PRKN: variants seen among roughly 807,000 people sequenced by gnomAD.
PRKN encodes the protein parkin RBR E3 ubiquitin protein ligase.
A neutral mutation model predicts 59.5 loss-of-function variants in PRKN; 56 were observed. The ratio of observed to expected loss-of-function variants is 0.94; its 90% CI spans 0.76 to 1.18. The LOEUF is 1.18. Among genes scored for constraint, PRKN ranks in the 50% most tolerant of loss-of-function variants. The pLI is 0.00. For synonymous variants in PRKN, 250 were observed against 222.1 expected (o/e 1.13, Z -1.12); for missense variants, 657 against 596.4 (o/e 1.10, Z -1.06).
chr6:161,413,010 T>C lies in PRKN; in HGVS notation c.1084-26133A>G, dbSNP rs2115008915. On this transcript the variant is annotated intron_variant, in intron 9 of 11. Coordinates refer to ENST00000366898, the MANE Select transcript of PRKN (RefSeq NM_004562.3). The surrounding 1 kb of genome is among the most constrained non-coding windows in gnomAD (Gnocchi z 4.4). ...ACAGTAATCAGAGACAGGCTCTGTC[T>C]GCTCTTGCCTGCCTTCCTGACTGCT... is the stretch of plus-strand genomic sequence containing the variant. Among the ~76,000 whole-genome samples the C allele has an allele frequency of 6.6e-6, 1 of 152,360 alleles. No individual in the cohort carries two copies. The highest frequency in any genetic ancestry group is 1.5e-5 in the Non-Finnish European group (1 of 68,032).
At chr6:162,421,938 G>A (rs1023178218) in intron 2 of PRKN, among the ~76,000 whole-genome samples, 1 of 152,072 alleles carries the variant, frequency 6.6e-6, no homozygotes, top group Non-Finnish European at 1.5e-5. Context: ...AGTTAAATAG[G>A]AAGTAATATC....
chr6:161,537,329 T>A (rs1324761460), intron 9 of PRKN, among the ~76,000 whole-genome samples: 2 of 152,266 alleles, frequency 1.3e-5, no homozygotes, highest in South Asian at 4.1e-4. Context: ...TTATTTCTGA[T>A]GCAAATGACT....
At chr6:161,977,769 A>G (rs367593506) in intron 5 of PRKN, among the ~76,000 whole-genome samples, 356 of 151,670 alleles carry the variant, frequency 2.3e-3, no homozygotes, top group African/African-American at 7.9e-3. Flanking sequence ...GGATGGTCTC[A>G]ATCTCCTGAC....
At chr6:162,599,811 A>G (rs1000256258) in intron 1 of PRKN, among the ~76,000 whole-genome samples, 6 of 152,196 alleles carry the variant, frequency 3.9e-5, no homozygotes, top group African/African-American at 1.2e-4. Context: ...AGTAACAACA[A>G]AACAGAAATG....
chr6:161,894,674 T>C (rs1428930255), intron 6 of PRKN, among the ~76,000 whole-genome samples: 1 of 152,254 alleles, frequency 6.6e-6, no homozygotes, highest in Non-Finnish European at 1.5e-5. Context: ...TAAGTGAAAT[T>C]AGCCTTTCTC....
At chr6:161,900,026 G>C (rs1777824876) in intron 6 of PRKN, among the ~76,000 whole-genome samples, 1 of 152,042 alleles carries the variant, frequency 6.6e-6, no homozygotes, top group Non-Finnish European at 1.5e-5. Context: ...AGGGAGATTT[G>C]CTTGGACCTG....
At chr6:161,507,512 C>A (rs73782917) in intron 9 of PRKN, among the ~76,000 whole-genome samples, 26,327 of 152,066 alleles carry the variant, frequency 0.17, 2,947 homozygotes, top group African/African-American at 0.32. Context: ...AATCTACAAT[C>A]TCTTTTGCTA....
chr6:162,568,488 G>A (rs1368797506), intron 1 of PRKN: 5 of 667,444 alleles, frequency 7.5e-6, no homozygotes, highest in Non-Finnish European at 1.1e-5. Flanking sequence ...CGGCATGGGA[G>A]GCATCACCGC....
intron 6 of PRKN, among the ~76,000 whole-genome samples, chr6:161,971,576 C>G (rs1780809763): frequency 6.6e-6 from 1 of 152,198 alleles, no homozygotes; most frequent in African/African-American, 2.4e-5. Context: ...AGTCATTCAC[C>G]TTGCCAAGAG....
intron 7 of PRKN, among the ~76,000 whole-genome samples, chr6:161,749,871 A>G (rs1267256200): frequency 6.6e-6 from 1 of 152,098 alleles, no homozygotes. Flanking sequence ...ACAAGAAGTG[A>G]CAGTCAGAGT....
At chr6:162,430,273 A>T (rs1789452976) in intron 2 of PRKN, among the ~76,000 whole-genome samples, 1 of 152,140 alleles carries the variant, frequency 6.6e-6, no homozygotes, top group African/African-American at 2.4e-5. Flanking sequence ...TTGGTGACTC[A>T]TTTAACCCTT....
At chr6:162,659,570 G>A in intron 1 of PRKN, among the ~76,000 whole-genome samples, 1 of 151,890 alleles carries the variant, frequency 6.6e-6, no homozygotes, top group African/African-American at 2.4e-5. Flanking sequence ...CCCTTAAATA[G>A]GATTTCAATT....
At chr6:162,021,165 TAA>T (rs1449469319) in intron 5 of PRKN, among the ~76,000 whole-genome samples, 1 of 31,364 alleles carries the variant, frequency 3.2e-5, no homozygotes, top group Admixed American at 3.4e-4. Flanking sequence ...TATATATATA[TAA>T]AATATATGTG....
chr6:162,646,135 G>C (rs562562685), intron 1 of PRKN, among the ~76,000 whole-genome samples: 12 of 151,994 alleles, frequency 7.9e-5, no homozygotes, highest in African/African-American at 2.9e-4. Flanking sequence ...GCCTCCCAAA[G>C]TGCTGGGATT....
chr6:162,241,190 T>C (rs921342201), intron 3 of PRKN, among the ~76,000 whole-genome samples: 8 of 152,216 alleles, frequency 5.3e-5, no homozygotes, highest in African/African-American at 1.4e-4. Context: ...ATCATTATTA[T>C]TTTAGTCTAT....
chr6:161,871,528 G>A (rs1332842213), intron 6 of PRKN, among the ~76,000 whole-genome samples: 1 of 152,154 alleles, frequency 6.6e-6, no homozygotes, highest in Non-Finnish European at 1.5e-5. Flanking sequence ...AATAAAAAGT[G>A]TTATATTTTA....
intron 4 of PRKN, among the ~76,000 whole-genome samples, chr6:162,188,964 T>C (rs1337421851): frequency 6.6e-6 from 1 of 152,124 alleles, no homozygotes; most frequent in Non-Finnish European, 1.5e-5. Context: ...AATTATCTTC[T>C]ATAGGAGGGA....
intron 2 of PRKN, among the ~76,000 whole-genome samples, chr6:162,280,693 A>C (rs1045010676): frequency 6.9e-6 from 1 of 144,280 alleles, no homozygotes; most frequent in African/African-American, 2.6e-5. Context: ...CGGGAGGCTG[A>C]GGGAGGAGAA....
chr6:161,677,482 A>C (rs748817658), intron 7 of PRKN, among the ~76,000 whole-genome samples: 3 of 152,226 alleles, frequency 2.0e-5, no homozygotes, highest in African/African-American at 7.2e-5. Flanking sequence ...TGACTGCTGC[A>C]AGCCTTGGTT....
Sources: allele counts gnomAD v4.1 joint callset (sites outside exome capture counted in the v4.1 genomes callset), GRCh38; gene constraint gnomAD v4.1.1; non-coding constraint Gnocchi (gnomAD v3.1); transcripts MANE v1.5; gene names NCBI Gene and HGNC (gene_info 2026-07-23, HGNC 2026-07-21).